Variants in TMEM135 observed in about 807,000 individuals in gnomAD.
TMEM135 encodes the protein transmembrane protein 135, also known as peroxisomal membrane protein 52.
In TMEM135, 30 loss-of-function variants were observed where a neutral mutation model predicts 60.3. The observed-to-expected ratio is 0.50, with a 90% CI of 0.37 to 0.68. TMEM135 has a LOEUF of 0.68. TMEM135 is among the 30% of genes least tolerant of loss of function. The probability of loss-of-function intolerance (pLI) is 0.00; values close to 1 mark genes in which losing one functional copy is unlikely to be tolerated. For missense variants in TMEM135, 468 were observed against 548.8 expected, an observed-to-expected ratio of 0.85 and a Z score of 1.47; for synonymous variants, 190 against 186.7, an observed-to-expected ratio of 1.02 and a Z score of -0.14.
intron 5 of TMEM135, among the ~76,000 whole-genome samples, chr11:87,222,593 C>A (rs1315970052): frequency 6.6e-6 from 1 of 151,576 alleles, no homozygotes; most frequent in Non-Finnish European, 1.5e-5. Context: ...CACCTGAGGT[C>A]AGGAGTTCGA....
chr11:87,215,190 C>T (rs1235277090), intron 5 of TMEM135, among the ~76,000 whole-genome samples: 2 of 152,070 alleles, frequency 1.3e-5, no homozygotes, highest in Non-Finnish European at 2.9e-5. Context: ...AATATTTACA[C>T]ATTTAGGACC....
At chr11:87,225,302 A>G (rs1940741430) in intron 5 of TMEM135, among the ~76,000 whole-genome samples, 1 of 152,128 alleles carries the variant, frequency 6.6e-6, no homozygotes, top group African/African-American at 2.4e-5. Context: ...AAGTAGGGGT[A>G]ATGATCCCTA....
chr11:87,301,361 C>G (rs564923244), intron 7 of TMEM135, among the ~76,000 whole-genome samples: 39 of 152,198 alleles, frequency 2.6e-4, no homozygotes, highest in African/African-American at 8.7e-4. Context: ...TCAAGCAATC[C>G]TCCCACGTCA....
chr11:87,316,259 CAAATATATGTGTGTGTGTGTGTGTGTGA>C (rs1942725707), intron 12 of TMEM135, among the ~76,000 whole-genome samples: 1 of 150,278 alleles, frequency 6.7e-6, no homozygotes, highest in Non-Finnish European at 1.5e-5. Flanking sequence ...TTGCTTTACC[CAAATATATGTGTGTGTGTGTGTGTGTGA>C]GAGAGAGAGA....
chr11:87,111,370 T>G (rs4396314), intron 4 of TMEM135, among the ~76,000 whole-genome samples: 82,838 of 151,558 alleles, frequency 0.55, 23,430 homozygotes, highest in East Asian at 0.71. Flanking sequence ...TTTCCTAGCC[T>G]GGCGCTGTGG....
rs544852504 is a variant in TMEM135, at chr11:87,322,784, A to G, written c.*1451A>G. 1 of 454,356 alleles carries G rather than the reference A, an allele frequency of 2.2e-6. No homozygotes were observed. The highest frequency in any genetic ancestry group is 4.4e-6 in the Non-Finnish European group (1 of 226,726). The allele number at this position is 454,356 out of a possible 1,614,324, so 28.1% of individuals were successfully genotyped here. On this transcript the variant is annotated 3_prime_UTR_variant, in exon 15 of 15. Coordinates refer to ENST00000305494, the MANE Select transcript of TMEM135 (RefSeq NM_022918.4). Reference sequence around the variant, plus strand: ...TGGTTGTTATGGCAAACAGAAACCCAACAAAAAGACAGACTCTGGTACTAT... The same window carrying G: ...TGGTTGTTATGGCAAACAGAAACCCGACAAAAAGACAGACTCTGGTACTAT...
At chr11:87,200,706 T>C (rs2135330081) in intron 5 of TMEM135, among the ~76,000 whole-genome samples, 1 of 152,326 alleles carries the variant, frequency 6.6e-6, no homozygotes, top group South Asian at 2.1e-4. Context: ...ATGACATGTA[T>C]CTACCATTAT....
At chr11:87,231,199 G>T (rs1016000532) in intron 5 of TMEM135, among the ~76,000 whole-genome samples, 3 of 152,108 alleles carry the variant, frequency 2.0e-5, no homozygotes, top group African/African-American at 7.2e-5. Context: ...ATGCTGGATA[G>T]AGTTCACAGA....
chr11:87,085,568 C>A lies in TMEM135; in HGVS notation c.363-5794C>A, dbSNP rs534425590. ...GCTCAGGATTTCGAGACCAGCCTGGCCAACATGGTGAAACCTTGCTCTACC... is the reference window on the plus strand; with the variant it reads ...GCTCAGGATTTCGAGACCAGCCTGGACAACATGGTGAAACCTTGCTCTACC... On this transcript the variant is annotated intron_variant, in intron 3 of 14. Coordinates refer to ENST00000305494, the MANE Select transcript of TMEM135 (RefSeq NM_022918.4). Among the ~76,000 whole-genome samples the A allele has an allele frequency of 3.0e-4, 45 of 152,150 alleles. No homozygotes were observed. In the East Asian group the frequency reaches 8.3e-3, roughly 28 times the overall value.
intron 4 of TMEM135, among the ~76,000 whole-genome samples, chr11:87,137,007 A>AT (rs1305806385): frequency 4.6e-5 from 7 of 152,072 alleles, no homozygotes; most frequent in East Asian, 3.9e-4. Context: ...GATTAATAGT[A>AT]TTTTTTACCA....
At chr11:87,095,288 A>C (rs2135174476) in intron 4 of TMEM135, 1 of 192,766 alleles carries the variant, frequency 5.2e-6, no homozygotes, top group East Asian at 1.2e-4. Flanking sequence ...AAAACAAAGA[A>C]GCAATTAAGA....
intron 5 of TMEM135, among the ~76,000 whole-genome samples, chr11:87,220,882 G>A (rs541345): frequency 0.18 from 27,836 of 151,920 alleles, 2,717 homozygotes; most frequent in African/African-American, 0.26. Flanking sequence ...AAGGTAGTTC[G>A]TTGGAATAAA....
chr11:87,078,246 A>G (rs1027393770), intron 3 of TMEM135, among the ~76,000 whole-genome samples: 1 of 152,192 alleles, frequency 6.6e-6, no homozygotes, highest in African/African-American at 2.4e-5. Flanking sequence ...ATCACTTGTT[A>G]TTACATGTCT....
At chr11:87,309,902 A>G (rs1266419289) in intron 10 of TMEM135, among the ~76,000 whole-genome samples, 2 of 152,160 alleles carry the variant, frequency 1.3e-5, no homozygotes, top group Non-Finnish European at 2.9e-5. Context: ...GCATTTACAT[A>G]TGGTATTACA....
intron 1 of TMEM135, among the ~76,000 whole-genome samples, chr11:87,059,516 A>G (rs1470628216): frequency 6.6e-6 from 1 of 151,882 alleles, no homozygotes; most frequent in Non-Finnish European, 1.5e-5. Context: ...AGGTTTTGCC[A>G]TGTTGGCTGA....
In TMEM135 at chr11:87,328,611, G is replaced by A. The variant is rs774074291; in HGVS notation, c.*7278G>A. 4.8e-5 allele frequency: 22 copies of A among 453,752 alleles called. No homozygotes were observed. The highest frequency in any genetic ancestry group is 1.6e-4 in the South Asian group (10 of 64,470). 28.1% of individuals were successfully genotyped at this position (453,752 alleles called of 1,614,324 possible). A position where few individuals can be genotyped will look rare whatever the true frequency, so the allele number is the denominator to read the frequency against. On this transcript the variant is annotated 3_prime_UTR_variant, in exon 15 of 15. Transcript: ENST00000305494. ...CATACAGAATTTGATTTTCTATTCC[G>A]GAGTTACTTTACTTAGAATAATGGC...
intron 4 of TMEM135, among the ~76,000 whole-genome samples, chr11:87,149,029 C>T (rs1938484511): frequency 6.8e-6 from 1 of 146,614 alleles, no homozygotes; most frequent in African/African-American, 2.5e-5. Flanking sequence ...TCCCCCCATA[C>T]CTTTGTGTGT....
intron 5 of TMEM135, among the ~76,000 whole-genome samples, chr11:87,223,849 AAAAG>A (rs142297718): frequency 2.0e-5 from 3 of 150,082 alleles, no homozygotes; most frequent in African/African-American, 2.5e-5. Context: ...GACTGTCTAA[AAAAG>A]AAAGAAAGAA....
At chr11:87,291,406 C>T (rs1942258691) in intron 6 of TMEM135, among the ~76,000 whole-genome samples, 1 of 151,744 alleles carries the variant, frequency 6.6e-6, no homozygotes, top group Non-Finnish European at 1.5e-5. Flanking sequence ...CTCTACTTCT[C>T]TCCACCTTCT....
Sources: allele counts gnomAD v4.1 joint callset (sites outside exome capture counted in the v4.1 genomes callset), GRCh38; gene constraint gnomAD v4.1.1; transcripts MANE v1.5; gene names NCBI Gene and HGNC (gene_info 2026-07-23, HGNC 2026-07-21).